CCDC141: variants seen among roughly 807,000 people sequenced by gnomAD.
CCDC141 encodes the protein coiled-coil domain-containing protein 141.
In CCDC141, 168 loss-of-function variants were observed where a neutral mutation model predicts 181.0. The observed-to-expected ratio is 0.93, with a 90% confidence interval of 0.82 to 1.05. The LOEUF (loss-of-function observed/expected upper bound fraction) is 1.05, where lower values mean the gene tolerates loss of function less well. CCDC141 is among the 50% of genes least tolerant of loss of function. The pLI is 0.00. For synonymous variants in CCDC141, 666 were observed against 642.3 expected, an observed-to-expected ratio of 1.04 and a Z score of -0.56; for missense variants, 1,902 against 1,788.5, an observed-to-expected ratio of 1.06 and a Z score of -1.14.
At chr2:178,984,918 G>T (rs1197951202) in intron 2 of CCDC141, among the ~76,000 whole-genome samples, 2 of 150,262 alleles carry the variant, frequency 1.3e-5, no homozygotes, top group African/African-American at 4.9e-5. Flanking sequence ...GAGACAGAAA[G>T]TCAACAAGGA....
intron 1 of CCDC141, among the ~76,000 whole-genome samples, chr2:179,048,021 C>A (rs1423973566): frequency 8.5e-5 from 13 of 152,068 alleles, no homozygotes; most frequent in Admixed American, 8.5e-4. Flanking sequence ...AAATTAGATG[C>A]CTGTGACAAC....
At chr2:178,988,511 C>T (rs973406791) in intron 2 of CCDC141, among the ~76,000 whole-genome samples, 1 of 151,304 alleles carries the variant, frequency 6.6e-6, no homozygotes, top group Non-Finnish European at 1.5e-5. Flanking sequence ...TGAAGAAGAC[C>T]TAAATAAATG....
intron 2 of CCDC141, among the ~76,000 whole-genome samples, chr2:178,999,385 C>T (rs184916180): frequency 6.7e-4 from 102 of 152,198 alleles, no homozygotes; most frequent in Non-Finnish European, 1.1e-3. Flanking sequence ...ACCTCAGTTT[C>T]GTCTTTCAAC....
At chr2:178,896,016 T>C (rs922618842) in intron 8 of CCDC141, among the ~76,000 whole-genome samples, 24 of 152,198 alleles carry the variant, frequency 1.6e-4, no homozygotes, top group Non-Finnish European at 3.2e-4. Flanking sequence ...TGAGTTGATA[T>C]CATGGTCTGA....
chr2:178,990,182 T>C (rs1691981485), intron 2 of CCDC141, among the ~76,000 whole-genome samples: 1 of 149,996 alleles, frequency 6.7e-6, no homozygotes, highest in African/African-American at 2.5e-5. Context: ...AAATAACAAT[T>C]GTTGGCAAGA....
At chr2:178,896,855 A>G (rs2154371864) in intron 8 of CCDC141, among the ~76,000 whole-genome samples, 1 of 152,278 alleles carries the variant, frequency 6.6e-6, no homozygotes, top group African/African-American at 2.4e-5. Context: ...TGAGGATTAA[A>G]TTAATTTATG....
chr2:178,872,527 C>A (rs1485624389), intron 12 of CCDC141, among the ~76,000 whole-genome samples: 2 of 152,056 alleles, frequency 1.3e-5, no homozygotes, highest in East Asian at 1.9e-4. Flanking sequence ...TCTTCAAGAC[C>A]CAAGGGGTGT....
At chr2:179,009,554 C>A (rs1214374336) in intron 2 of CCDC141, among the ~76,000 whole-genome samples, 4 of 151,778 alleles carry the variant, frequency 2.6e-5, no homozygotes, top group Non-Finnish European at 1.5e-5. Context: ...AGCCACCTAG[C>A]AAGTCTACCT....
At chr2:178,972,391 A>G (rs1296276199) in intron 4 of CCDC141, among the ~76,000 whole-genome samples, 1 of 152,176 alleles carries the variant, frequency 6.6e-6, no homozygotes, top group Non-Finnish European at 1.5e-5. Flanking sequence ...AGCTTTGGAG[A>G]TCTAGGGTCT....
intron 2 of CCDC141, among the ~76,000 whole-genome samples, chr2:178,987,551 AT>A (rs1691814832): frequency 6.6e-6 from 1 of 151,720 alleles, no homozygotes; most frequent in Non-Finnish European, 1.5e-5. Context: ...ATGGGAGAAA[AT>A]TTTCGCAACC....
intron 5 of CCDC141, among the ~76,000 whole-genome samples, chr2:178,955,704 A>G (rs2154378401): frequency 6.6e-6 from 1 of 152,354 alleles, no homozygotes; most frequent in Non-Finnish European, 1.5e-5. Flanking sequence ...AAAAGTCTAG[A>G]AGGTGGCAGT....
intron 2 of CCDC141, among the ~76,000 whole-genome samples, chr2:178,992,811 G>A (rs866284942): frequency 4.6e-5 from 7 of 152,132 alleles, no homozygotes; most frequent in Admixed American, 1.3e-4. Context: ...AATCATGGGG[G>A]CAGTTACCCC....
rs553510351 is a variant in CCDC141 at position 178,833,060 on chromosome 2, T to C, written c.*1113A>G. 6.6e-6 allele frequency: 1 copy of C among 152,170 alleles called. No individual in the cohort carries two copies. Among genetic ancestry groups the C allele is most frequent in the Non-Finnish European group, 1.5e-5 (1 of 68,034 alleles). 9.4% of individuals were successfully genotyped at this position (152,170 alleles called of 1,614,324 possible). A position where few individuals can be genotyped will look rare whatever the true frequency, so the allele number is the denominator to read the frequency against. Reference sequence around the variant, plus strand: ...TTTAATTTCAAGTCTTTGAAAAGAATGCAGTCTTCAGAAATTAGATAGGAA... The same window carrying C: ...TTTAATTTCAAGTCTTTGAAAAGAACGCAGTCTTCAGAAATTAGATAGGAA... On this transcript the variant is annotated 3_prime_UTR_variant, in exon 24 of 24. Coordinates refer to ENST00000443758, the MANE Select transcript of CCDC141 (RefSeq NM_173648.4).
chr2:178,880,834 T>C (rs1008751978), intron 11 of CCDC141, among the ~76,000 whole-genome samples: 12 of 152,178 alleles, frequency 7.9e-5, no homozygotes, highest in Admixed American at 2.6e-4. Context: ...CTACATAGGA[T>C]TCCTGAAAGG....
At position 178,944,569 on chromosome 2, in the gene CCDC141, A is replaced by G; in HGVS notation, c.863T>C (p.Ile288Thr). The G allele has an allele frequency of 6.5e-7, 1 of 1,536,880 alleles. No individual in the cohort carries two copies. Among genetic ancestry groups the G allele is most frequent in the Non-Finnish European group, 8.8e-7 (1 of 1,139,568 alleles). ...TATTATCAGTTCCTCTTGCTTATGA[A>G]TTCGATCCTCATTGTCTGAAAGTGA... ...GSSLSDNEDRIHKQEELIIKA... is the reference protein window; with the variant it reads ...GSSLSDNEDRTHKQEELIIKA... The change falls in exon 6 of 24, where the codon ATT becomes ACT. Residue 288 changes from isoleucine to threonine, a missense_variant. Coordinates refer to ENST00000443758, the MANE Select transcript of CCDC141 (RefSeq NM_173648.4).
intron 4 of CCDC141, among the ~76,000 whole-genome samples, chr2:178,973,573 A>C (rs1039104033): frequency 1.3e-5 from 2 of 152,152 alleles, no homozygotes; most frequent in Non-Finnish European, 2.9e-5. Flanking sequence ...CGCAGATCCT[A>C]GGAACTTGAA....
chr2:178,893,294 T>C (rs1687244423), intron 8 of CCDC141, among the ~76,000 whole-genome samples: 4 of 152,036 alleles, frequency 2.6e-5, no homozygotes. Context: ...ATTTACTGTA[T>C]GGAAGCAGTT....
chr2:178,843,932 C>A (rs935184277), intron 22 of CCDC141, among the ~76,000 whole-genome samples: 3 of 152,190 alleles, frequency 2.0e-5, no homozygotes, highest in African/African-American at 7.2e-5. Flanking sequence ...CAATTCTTGA[C>A]AGCTGTAATT....
At chr2:178,863,325 C>T (rs1323218926) in intron 17 of CCDC141, among the ~76,000 whole-genome samples, 3 of 152,146 alleles carry the variant, frequency 2.0e-5, no homozygotes, top group Non-Finnish European at 2.9e-5. Context: ...ACTTTAAGCA[C>T]ATTGAAAGTG....
Sources: gnomAD v4.1 joint callset for allele counts (sites outside exome capture counted in the v4.1 genomes callset) on GRCh38, gnomAD v4.1.1 for gene constraint, MANE v1.5 for transcripts, NCBI Gene and HGNC (gene_info 2026-07-23, HGNC 2026-07-21) for gene names.